Variants in RPF2 observed in about 807,000 individuals in gnomAD.
The protein encoded by RPF2 is ribosome production factor 2 homolog.
Under a neutral mutation model 38.9 loss-of-function variants are expected in RPF2, and 21 were observed. The ratio of observed to expected loss-of-function variants is 0.54; its 90% CI spans 0.38 to 0.78. The LOEUF (loss-of-function observed/expected upper bound fraction) is 0.78, where lower values mean the gene tolerates loss of function less well. Among genes scored for constraint, RPF2 ranks in the 30% least tolerant of loss-of-function variants. RPF2 has a pLI of 0.00. For synonymous variants in RPF2, 121 were observed against 126.2 expected (o/e 0.96, Z 0.28); for missense variants, 314 against 358.1 (o/e 0.88, Z 0.99).
At chr6:110,998,637 T>C (rs9384777) in intron 5 of RPF2, among the ~76,000 whole-genome samples, 39,785 of 151,966 alleles carry the variant, frequency 0.26, 6,047 homozygotes, top group East Asian at 0.66. Flanking sequence ...TCACAGAGCT[T>C]GTTACAGTAG....
At chr6:111,001,155 T>G (rs1018421978) in intron 6 of RPF2, among the ~76,000 whole-genome samples, 4 of 152,198 alleles carry the variant, frequency 2.6e-5, no homozygotes, top group African/African-American at 9.6e-5. Flanking sequence ...ACACTTGGAT[T>G]TGAGGCCTGT....
chr6:111,002,668 A>G (rs1188722338), intron 6 of RPF2, among the ~76,000 whole-genome samples: 7 of 152,172 alleles, frequency 4.6e-5, no homozygotes, highest in Admixed American at 3.9e-4. Flanking sequence ...TTTAAATTGA[A>G]CACTACATTT....
chr6:110,996,656 A>G (rs186266216), intron 4 of RPF2, among the ~76,000 whole-genome samples: 2 of 152,304 alleles, frequency 1.3e-5, no homozygotes, highest in East Asian at 3.9e-4. Flanking sequence ...TTAGTCTTGA[A>G]ATGCACATCT....
chr6:111,002,641 A>T (rs1771829549), intron 6 of RPF2, among the ~76,000 whole-genome samples: 1 of 152,168 alleles, frequency 6.6e-6, no homozygotes, highest in Non-Finnish European at 1.5e-5. Context: ...CCCAGGTCTC[A>T]TTCTTAACAA....
intron 2 of RPF2, among the ~76,000 whole-genome samples, chr6:110,987,945 C>A (rs1323056341): frequency 1.3e-5 from 2 of 151,980 alleles, no homozygotes; most frequent in Non-Finnish European, 2.9e-5. Flanking sequence ...ATCACTTAAG[C>A]CTAGGATGAC....
At chr6:111,007,350 T>A (rs1045295189) in intron 6 of RPF2, among the ~76,000 whole-genome samples, 1 of 152,232 alleles carries the variant, frequency 6.6e-6, no homozygotes, top group South Asian at 2.1e-4. Flanking sequence ...ACATCATTCT[T>A]TTGCCATCTT....
chr6:110,982,425 G>T, intron 1 of RPF2: 1 of 477,140 alleles, frequency 2.1e-6, no homozygotes, highest in Middle Eastern at 5.6e-4. Flanking sequence ...TGGTATAGTG[G>T]GGTTAGGAGC....
intron 7 of RPF2, among the ~76,000 whole-genome samples, chr6:111,012,253 C>G (rs1177281105): frequency 6.7e-6 from 1 of 149,576 alleles, no homozygotes; most frequent in Non-Finnish European, 1.5e-5. Flanking sequence ...CTGCTGTAGC[C>G]TTAACTTTCT....
At chr6:111,017,399 G>T (rs1288748336) in intron 8 of RPF2, among the ~76,000 whole-genome samples, 1 of 147,816 alleles carries the variant, frequency 6.8e-6, no homozygotes, top group Non-Finnish European at 1.5e-5. Flanking sequence ...AGGCGGAGAC[G>T]CTCCTCACTT....
At chr6:110,994,933 C>A (rs1296853709) in intron 4 of RPF2, among the ~76,000 whole-genome samples, 1 of 151,988 alleles carries the variant, frequency 6.6e-6, no homozygotes, top group African/African-American at 2.4e-5. Flanking sequence ...GAGACAGGGT[C>A]TCACTCTGTC....
intron 8 of RPF2, among the ~76,000 whole-genome samples, chr6:111,016,610 A>C (rs1211337846): frequency 1.9e-4 from 29 of 151,124 alleles, no homozygotes; most frequent in African/African-American, 7.1e-4. Flanking sequence ...CAAAAAACAA[A>C]AAACTCTTAA....
chr6:111,008,743 T>C (rs535553081), intron 7 of RPF2, among the ~76,000 whole-genome samples: 6 of 152,162 alleles, frequency 3.9e-5, no homozygotes, highest in African/African-American at 1.4e-4. Flanking sequence ...TATTGCCTTC[T>C]TTTTTTCCAT....
At chr6:111,015,899 G>A in intron 8 of RPF2, 43 bp downstream of exon 8, 1 of 1,421,814 alleles carries the variant, frequency 7.0e-7, no homozygotes, top group Admixed American at 1.7e-5. Context: ...CTCAGGGTTA[G>A]TGTTTAAAAC....
At chr6:111,019,382 A>G (rs1047450839) in intron 8 of RPF2, among the ~76,000 whole-genome samples, 4 of 152,070 alleles carry the variant, frequency 2.6e-5, no homozygotes, top group Non-Finnish European at 5.9e-5. Flanking sequence ...AGAGGTTGCA[A>G]TGAGCTGAGA....
intron 2 of RPF2, among the ~76,000 whole-genome samples, chr6:110,986,203 A>G (rs1163179753): frequency 6.6e-6 from 1 of 152,202 alleles, no homozygotes; most frequent in Non-Finnish European, 1.5e-5. Flanking sequence ...TAGTAACATG[A>G]AATTTGAATT....
rs527849270 is a variant in RPF2, at chr6:111,003,087, C to T, written c.393+3300C>T. 4.8e-4 allele frequency among the ~76,000 whole-genome samples: 70 copies of T among 146,302 alleles called. No individual in the cohort carries two copies. In the Middle Eastern group the frequency reaches 0.014, roughly 29 times the overall value. ...CTAGTCTTTCATTTTTTACCCCCCC[C>T]CCTTTTTTTTTCTTTTTAATTTTCT... On this transcript the variant is annotated intron_variant, in intron 6 of 9. Transcript: ENST00000441448.
At chr6:111,025,142 C>G (rs908754525) in intron 9 of RPF2, among the ~76,000 whole-genome samples, 1 of 152,116 alleles carries the variant, frequency 6.6e-6, no homozygotes, top group African/African-American at 2.4e-5. Context: ...CAAAGTGTGG[C>G]CTGACAGTTT....
At position 111,026,469 on chromosome 6, in the gene RPF2, C is replaced by A. The variant is rs191261683; in HGVS notation, c.*887C>A. 1 of 152,194 alleles carries A rather than the reference C, an allele frequency of 6.6e-6. No individual in the cohort carries two copies. Among genetic ancestry groups the A allele is most frequent in the Non-Finnish European group, 1.5e-5 (1 of 68,152 alleles). 9.4% of individuals were successfully genotyped at this position (152,194 alleles called of 1,614,324 possible). A position where few individuals can be genotyped will look rare whatever the true frequency, so the allele number is the denominator to read the frequency against. ...CTCCCACTTCACCTTCCTGAGCAGC[C>A]GGAACTACAGATGTTGGTCCACTGC... On this transcript the variant is annotated 3_prime_UTR_variant, in exon 10 of 10. Transcript: ENST00000441448.
rs1772310782 is a variant in RPF2, at chr6:111,025,548, A to T, written c.887A>T (p.His296Leu). Residue 296 changes from histidine to leucine, a missense_variant, in exon 10 of 10, where the codon CAC (histidine) becomes CTC (leucine). His to Leu is a moderately conservative substitution (Grantham distance 99). Transcript: ENST00000441448. Reference protein sequence around the residue: ...KRPAERITEDHEKKSKRIKKN With the variant: ...KRPAERITEDLEKKSKRIKKN ...CCTGCAGAAAGGATAACAGAAGACCACGAGAAAAAGTCAAAAAGAATTAAA... is the reference window on the plus strand; with the variant it reads ...CCTGCAGAAAGGATAACAGAAGACCTCGAGAAAAAGTCAAAAAGAATTAAA... The T allele has an allele frequency of 6.2e-7, 1 of 1,608,340 alleles. No homozygotes were observed. Among genetic ancestry groups the T allele is most frequent in the African/African-American group, 1.3e-5 (1 of 74,404 alleles).
Sources: gnomAD v4.1 joint callset for allele counts (sites outside exome capture counted in the v4.1 genomes callset) on GRCh38, gnomAD v4.1.1 for gene constraint, MANE v1.5 for transcripts, NCBI Gene and HGNC (gene_info 2026-07-23, HGNC 2026-07-21) for gene names.